The following SYCP2 variants were observed in gnomAD, a reference collection of about 807,000 sequenced individuals.
The protein encoded by SYCP2 is synaptonemal complex lateral element protein.
In SYCP2, 55 loss-of-function variants were observed where a neutral mutation model predicts 211.3. That is an observed-to-expected ratio of 0.26 (90% CI 0.21 to 0.33). SYCP2 has a LOEUF of 0.33. Among genes scored for constraint, SYCP2 ranks in the 10% least tolerant of loss-of-function variants. The pLI, the probability that SYCP2 is intolerant of heterozygous loss-of-function variation, is 1.00. For missense variants in SYCP2, 1,731 were observed against 1,752.0 expected, an observed-to-expected ratio of 0.99 and a Z score of 0.21; for synonymous variants, 570 against 555.2, an observed-to-expected ratio of 1.03 and a Z score of -0.37.
intron 24 of SYCP2, among the ~76,000 whole-genome samples, chr20:59,888,033 T>A (rs538159138): frequency 6.6e-6 from 1 of 152,030 alleles, no homozygotes; most frequent in African/African-American, 2.4e-5. Flanking sequence ...ATACTTGATA[T>A]CCTACCAAAA....
Position 59,882,065 on chromosome 20 carries a change from A to C in SYCP2, c.2600+30T>G, listed in dbSNP as rs764097807. On this transcript the variant is annotated intron_variant, in intron 27 of 44. Coordinates refer to ENST00000357552, the MANE Select transcript of SYCP2 (RefSeq NM_014258.4). ...ATGTGTAGTCTCTTCAAATATGAAG[A>C]AAATGAAAAATATTACAAAAAATAC... 1.9e-6 allele frequency: 3 copies of C among 1,608,884 alleles called. No individual in the cohort carries two copies. The South Asian group carries it at 3.3e-5, about 18-fold the overall frequency.
intron 20 of SYCP2, among the ~76,000 whole-genome samples, 179 bp from the exon 21 acceptor site, chr20:59,893,772 C>T (rs1273374468): frequency 1.3e-5 from 2 of 151,920 alleles, no homozygotes; most frequent in African/African-American, 4.8e-5. Context: ...TCCTGAAACA[C>T]AAGAAGAAAA....
intron 7 of SYCP2, among the ~76,000 whole-genome samples, chr20:59,916,908 C>A (rs1338450087): frequency 1.3e-5 from 2 of 151,900 alleles, no homozygotes; most frequent in Non-Finnish European, 2.9e-5. Context: ...GAGAGTGAGA[C>A]CCTGTCTCAA....
intron 34 of SYCP2, among the ~76,000 whole-genome samples, chr20:59,874,622 A>G (rs2059518663): frequency 6.6e-6 from 1 of 152,066 alleles, no homozygotes; most frequent in South Asian, 2.1e-4. Context: ...CTTTAGAGGA[A>G]GCAGAAGTAT....
At chr20:59,871,320 C>T (rs2059446790) in intron 35 of SYCP2, among the ~76,000 whole-genome samples, 1 of 151,884 alleles carries the variant, frequency 6.6e-6, no homozygotes, top group South Asian at 2.1e-4. Flanking sequence ...CAACTGATAA[C>T]ATCTACTTAG....
chr20:59,896,545 A>C lies in SYCP2; in HGVS notation c.1405-17T>G, dbSNP rs769562661. 2 of 1,347,340 alleles carry C rather than the reference A, an allele frequency of 1.5e-6. No homozygotes were observed. Among genetic ancestry groups the C allele is most frequent in the East Asian group, 2.3e-5 (1 of 43,574 alleles). 83.5% of individuals were successfully genotyped at this position (1,347,340 alleles called of 1,614,324 possible). A position where few individuals can be genotyped will look rare whatever the true frequency, so the allele number is the denominator to read the frequency against. On this transcript the variant is annotated splice_polypyrimidine_tract_variant and intron_variant, in intron 18 of 44. Transcript: ENST00000357552. ...AGTAGTTTTCTGAAACCACGATGAA[A>C]AACAACCACTGTAAACACAGTCTTT...
At chr20:59,905,532 T>A (rs138388790) in intron 15 of SYCP2, among the ~76,000 whole-genome samples, 339 of 152,272 alleles carry the variant, frequency 2.2e-3, no homozygotes, top group African/African-American at 7.8e-3. Flanking sequence ...ACTGTATGAT[T>A]CCATTTATAT....
intron 33 of SYCP2, 62 bp downstream of exon 33, chr20:59,877,323 A>G: frequency 8.7e-7 from 1 of 1,153,818 alleles, no homozygotes; most frequent in Non-Finnish European, 1.1e-6. Context: ...CATTTTTTAC[A>G]AAAATATATA....
chr20:59,892,066 T>C lies in SYCP2; in HGVS notation c.2288A>G (p.Asn763Ser). The change falls in exon 24 of 45, where the codon AAT (asparagine) becomes AGT (serine). Residue 763 changes from asparagine to serine, a missense_variant. Transcript: ENST00000357552. ...CTCTGCTTTTCTATGACTTTGCACA[T>C]TTTTGCTAGCAGATGGATTTTTATC... is the stretch of plus-strand genomic sequence containing the variant. ...TCDKNPSASK[N>S]VQSHRKAEKE... The C allele has an allele frequency of 1.9e-6, 3 of 1,611,682 alleles. No homozygotes were observed. The highest frequency in any genetic ancestry group is 2.5e-6 in the Non-Finnish European group (3 of 1,178,834).
At chr20:59,884,436 T>C (rs778519482) in intron 26 of SYCP2, among the ~76,000 whole-genome samples, 3 of 152,110 alleles carry the variant, frequency 2.0e-5, no homozygotes, top group Admixed American at 6.6e-5. Context: ...ATATACTGTA[T>C]TAAAGAAATG....
At chr20:59,928,886 G>C (rs376954012) in intron 2 of SYCP2, among the ~76,000 whole-genome samples, 3 of 152,098 alleles carry the variant, frequency 2.0e-5, no homozygotes, top group African/African-American at 7.2e-5. Flanking sequence ...CTATCACTAA[G>C]ATGTTCCAAG....
At chr20:59,921,940 T>C (rs1336133524) in intron 3 of SYCP2, among the ~76,000 whole-genome samples, 1 of 151,644 alleles carries the variant, frequency 6.6e-6, no homozygotes, top group Non-Finnish European at 1.5e-5. Context: ...ATTATTAAAA[T>C]CTGCCATCCT....
intron 38 of SYCP2, 128 bp downstream of exon 38, chr20:59,868,285 A>T: frequency 1.1e-6 from 1 of 915,080 alleles, no homozygotes; most frequent in Non-Finnish European, 1.6e-6. Context: ...ACTTTGCAAT[A>T]AAGCATCATC....
chr20:59,916,034 CAACATA>C (rs1274235569), intron 8 of SYCP2, among the ~76,000 whole-genome samples: 2 of 151,990 alleles, frequency 1.3e-5, no homozygotes, highest in Non-Finnish European at 2.9e-5. Flanking sequence ...AATATAAAAA[CAACATA>C]AACTATAGAA....
intron 20 of SYCP2, among the ~76,000 whole-genome samples, chr20:59,894,121 C>T (rs931310017): frequency 6.6e-6 from 1 of 152,024 alleles, no homozygotes; most frequent in African/African-American, 2.4e-5. Context: ...AAAGATAACA[C>T]TTAATCCAGA....
At chr20:59,915,040 T>C in intron 10 of SYCP2, 125 bp downstream of exon 10, 1 of 645,600 alleles carries the variant, frequency 1.5e-6, no homozygotes, top group South Asian at 2.4e-5. Flanking sequence ...TAAAAATTGC[T>C]TAATTGTACA....
At chr20:59,932,709 T>C (rs1201555724) in intron 1 of SYCP2, among the ~76,000 whole-genome samples, 2 of 151,926 alleles carry the variant, frequency 1.3e-5, no homozygotes, top group Non-Finnish European at 2.9e-5. Context: ...CACGCTGCCG[T>C]ATTCGCAGAT....
chr20:59,885,968 TA>T lies in SYCP2; in HGVS notation c.2493-5del. 6.3e-7 allele frequency: 1 copy of T among 1,597,442 alleles called. No homozygotes were observed. The highest frequency in any genetic ancestry group is 1.8e-5 in the Admixed American group (1 of 56,620). ...AACAGGTTTGTTTGAAAAACCACTG[TA>T]AAAAAAGATTTTGTCAAAATTGAAA... On this transcript the variant is annotated splice_region_variant and splice_polypyrimidine_tract_variant and intron_variant, in intron 25 of 44. Transcript: ENST00000357552.
chr20:59,928,149 A>T (rs939173969), intron 2 of SYCP2, among the ~76,000 whole-genome samples: 4 of 152,212 alleles, frequency 2.6e-5, no homozygotes, highest in African/African-American at 9.6e-5. Flanking sequence ...CTACTCTGTC[A>T]GAACCCAGGA....
Sources: allele counts gnomAD v4.1 joint callset (sites outside exome capture counted in the v4.1 genomes callset), GRCh38; gene constraint gnomAD v4.1.1; transcripts MANE v1.5; gene names NCBI Gene and HGNC (gene_info 2026-07-23, HGNC 2026-07-21).